Variants in FLNB observed in about 807,000 individuals in gnomAD.
FLNB encodes the protein filamin B, also known as filamin-B.
In FLNB, 111 loss-of-function variants were observed where a neutral mutation model predicts 250.6. The observed-to-expected ratio is 0.44, with a 90% CI of 0.38 to 0.52. The LOEUF is 0.52. Ranked by LOEUF, FLNB falls within the 20% of genes least tolerant of loss-of-function variation. The pLI is 0.00. For missense variants in FLNB, 2,869 were observed against 3,447.8 expected (o/e 0.83, Z 4.20); for synonymous variants, 1,302 against 1,372.1 (o/e 0.95, Z 1.13).
intron 1 of FLNB, among the ~76,000 whole-genome samples, chr3:58,072,597 T>G: frequency 6.6e-6 from 1 of 152,326 alleles, no homozygotes; most frequent in Admixed American, 6.5e-5. Context: ...CTGGAGGTCT[T>G]TGGGCAAGTC....
intron 1 of FLNB, among the ~76,000 whole-genome samples, chr3:58,047,426 G>C (rs1428454019): frequency 1.3e-5 from 2 of 151,920 alleles, no homozygotes; most frequent in Non-Finnish European, 2.9e-5. Context: ...GTCCAGGCTG[G>C]TCTGGAAACC....
In FLNB at chr3:58,126,593, T is replaced by C. The variant is rs1228100800; in HGVS notation, c.4062-9T>C. ...GTGCACATTTCACTTTCTTTTCCAC[T>C]CTTTCCAGAGGCGCAGGAATTGGTG... On this transcript the variant is annotated splice_polypyrimidine_tract_variant and intron_variant, in intron 23 of 45. Transcript: ENST00000295956. 6 of 1,613,710 alleles carry C rather than the reference T, an allele frequency of 3.7e-6. No individual in the cohort carries two copies. The highest frequency in any genetic ancestry group is 5.1e-6 in the Non-Finnish European group (6 of 1,179,690).
chr3:58,135,518 C>A (rs547100365), intron 27 of FLNB, among the ~76,000 whole-genome samples: 1 of 152,348 alleles, frequency 6.6e-6, no homozygotes, highest in East Asian at 1.9e-4. Flanking sequence ...AAAAGTCCAT[C>A]ATAGACTTCC....
chr3:58,050,736 A>G (rs1447293554), intron 1 of FLNB, among the ~76,000 whole-genome samples: 1 of 152,192 alleles, frequency 6.6e-6, no homozygotes, highest in Non-Finnish European at 1.5e-5. Context: ...AAGTCTCCAG[A>G]TTGGTGCACT....
chr3:58,092,822 C>T (rs1444542257), intron 4 of FLNB, among the ~76,000 whole-genome samples: 1 of 152,216 alleles, frequency 6.6e-6, no homozygotes, highest in Non-Finnish European at 1.5e-5. Flanking sequence ...ATCTTCTCTA[C>T]TACTCCTCTC....
chr3:58,009,476 C>T (rs568835063), intron 1 of FLNB, among the ~76,000 whole-genome samples: 15 of 152,294 alleles, frequency 9.8e-5, no homozygotes, highest in Admixed American at 6.5e-4. Flanking sequence ...CCCAGCTCAG[C>T]TCTGGCCGCG....
intron 1 of FLNB, among the ~76,000 whole-genome samples, chr3:58,026,290 C>G (rs538050235): frequency 1.3e-5 from 2 of 152,224 alleles, no homozygotes; most frequent in Admixed American, 1.3e-4. Context: ...CCAGCTGCTC[C>G]CATCCCCCAG....
In FLNB at chr3:58,105,064, A is replaced by G. The variant is rs921419501; in HGVS notation, c.1611-16A>G. 9.9e-6 allele frequency: 16 copies of G among 1,614,118 alleles called. No individual in the cohort carries two copies. Among genetic ancestry groups the G allele is most frequent in the Non-Finnish European group, 1.2e-5 (14 of 1,180,044 alleles). ...TTTACTCTTCTTTGATGCTTCTTCT[A>G]TTCCTTTCCCTGTAGCCCCTTTGAA... On this transcript the variant is annotated splice_polypyrimidine_tract_variant and intron_variant, in intron 10 of 45. Transcript: ENST00000295956.
intron 1 of FLNB, among the ~76,000 whole-genome samples, chr3:58,068,113 C>G (rs1448787483): frequency 6.6e-6 from 1 of 152,080 alleles, no homozygotes; most frequent in African/African-American, 2.4e-5. Context: ...GTCCTGAAGC[C>G]GTGGCTCATT....
At position 58,164,638 on chromosome 3, in the gene FLNB, A is replaced by G. The variant is rs1429134087; in HGVS notation, c.7198+1308A>G. ...GGCTGCCCGGGACTCTGGCCAAAGC[A>G]GTGGCCTCAGCAAAGCCACCCACAG... On this transcript the variant is annotated intron_variant, in intron 43 of 45. Transcript: ENST00000295956. This position sits in a 1 kb window ranked among gnomAD's most constrained non-coding sequence, Gnocchi z 4.0. The G allele has an allele frequency of 6.6e-6, 1 of 152,274 alleles. No individual in the cohort carries two copies. The highest frequency in any genetic ancestry group is 2.4e-5 in the African/African-American group (1 of 41,450). The allele number at this position is 152,274 out of a possible 1,614,324, so 9.4% of individuals were successfully genotyped here. A position where few individuals can be genotyped will look rare whatever the true frequency, so the allele number is the denominator to read the frequency against.
In FLNB at chr3:58,099,175, C is replaced by T. The variant is rs189510734; in HGVS notation, c.1345+267C>T. On this transcript the variant is annotated intron_variant, in intron 8 of 45. Transcript: ENST00000295956. ...ACACATGTACAGGAGAGTAATTATC[C>T]TCATGGAGGGAGGTGGGACTGAGGC... is the stretch of plus-strand genomic sequence containing the variant. Among the ~76,000 whole-genome samples, 326 of 152,232 alleles carry T rather than the reference C, an allele frequency of 2.1e-3. 2 individuals carry two copies. The highest frequency in any genetic ancestry group is 2.1e-3 in the Non-Finnish European group (141 of 68,010).
chr3:58,139,251 AAC>A (rs1174264991), intron 29 of FLNB, among the ~76,000 whole-genome samples: 1 of 152,198 alleles, frequency 6.6e-6, no homozygotes, highest in East Asian at 1.9e-4. Flanking sequence ...TACCTCATTG[AAC>A]CCTCAAAACC....
intron 23 of FLNB, 60 bp downstream of exon 23, chr3:58,125,803 T>C: frequency 2.0e-6 from 3 of 1,498,148 alleles, no homozygotes; most frequent in South Asian, 1.1e-5. Context: ...ATTCTACCTA[T>C]GTGTCATGGT....
chr3:58,136,349 G>A (rs1246670431), intron 28 of FLNB, among the ~76,000 whole-genome samples, 181 bp downstream of exon 28: 10 of 152,222 alleles, frequency 6.6e-5, no homozygotes, highest in African/African-American at 2.4e-4. Flanking sequence ...GATCCAAGAA[G>A]CTCTTCTAAG....
intron 1 of FLNB, among the ~76,000 whole-genome samples, chr3:58,071,975 T>C (rs553547389): frequency 2.1e-5 from 3 of 143,370 alleles, no homozygotes; most frequent in African/African-American, 5.5e-5. Context: ...CCCCCGTGAA[T>C]GCATCCATTC....
intron 1 of FLNB, among the ~76,000 whole-genome samples, chr3:58,013,496 G>C (rs867279939): frequency 1.3e-5 from 2 of 152,190 alleles, no homozygotes; most frequent in Non-Finnish European, 2.9e-5. Context: ...GCAGATGCCA[G>C]CATGTCTTTT....
intron 43 of FLNB, 37 bp from the exon 44 acceptor site, chr3:58,168,403 A>C: frequency 1.3e-6 from 2 of 1,540,652 alleles, no homozygotes; most frequent in Non-Finnish European, 1.8e-6. Flanking sequence ...AAGCCCTCCA[A>C]GTCATCAACA....
At position 58,164,113 on chromosome 3, in the gene FLNB, T is replaced by A. The variant is rs546448954; in HGVS notation, c.7198+783T>A. 6.6e-6 allele frequency: 1 copy of A among 152,440 alleles called. No individual in the cohort carries two copies. The highest frequency in any genetic ancestry group is 1.9e-4 in the East Asian group (1 of 5,192). The allele number at this position is 152,440 out of a possible 1,614,324, so 9.4% of individuals were successfully genotyped here. On this transcript the variant is annotated intron_variant, in intron 43 of 45. Coordinates refer to ENST00000295956, the MANE Select transcript of FLNB (RefSeq NM_001457.4). This position sits in a 1 kb window ranked among gnomAD's most constrained non-coding sequence, Gnocchi z 4.0. ...GACAAGCAGACACAGAGTTTTGCTT[T>A]TGTCTTACAGAAAGAATCTTACTGT...
chr3:58,008,526 C>A lies in FLNB; in HGVS notation c.-39C>A, dbSNP rs1454947661. On this transcript the variant is annotated 5_prime_UTR_variant, in exon 1 of 46. Transcript: ENST00000295956. ...CCTTGGGCCTCCAAACACCAGTCCCCGGCAGCTCGTTGCGCATTGCGCTCT... is the reference window on the plus strand; with the variant it reads ...CCTTGGGCCTCCAAACACCAGTCCCAGGCAGCTCGTTGCGCATTGCGCTCT... 1 of 1,556,888 alleles carries A rather than the reference C, an allele frequency of 6.4e-7. No homozygotes were observed. The highest frequency in any genetic ancestry group is 1.2e-5 in the South Asian group (1 of 85,180).
Sources: gnomAD v4.1 joint callset for allele counts (sites outside exome capture counted in the v4.1 genomes callset) on GRCh38, gnomAD v4.1.1 for gene constraint, Gnocchi (gnomAD v3.1) non-coding constraint, MANE v1.5 for transcripts, NCBI Gene and HGNC (gene_info 2026-07-23, HGNC 2026-07-21) for gene names.